FILIP1L: variants seen among roughly 807,000 people sequenced by gnomAD.
FILIP1L encodes filamin A-interacting protein 1-like.
A neutral mutation model predicts 96.6 loss-of-function variants in FILIP1L; 55 were observed. The observed-to-expected ratio is 0.57, with a 90% CI of 0.46 to 0.71. The LOEUF is 0.71. FILIP1L is among the 30% of genes least tolerant of loss of function. The pLI is 0.00. For synonymous variants in FILIP1L, 467 were observed against 473.9 expected, an observed-to-expected ratio of 0.99 and a Z score of 0.19; for missense variants, 1,304 against 1,321.2, an observed-to-expected ratio of 0.99 and a Z score of 0.20.
intron 1 of FILIP1L, among the ~76,000 whole-genome samples, chr3:99,945,397 G>C (rs939924831): frequency 6.6e-6 from 1 of 152,138 alleles, no homozygotes; most frequent in Non-Finnish European, 1.5e-5. Flanking sequence ...GATTGAGCTT[G>C]GGGGTTCCAC....
At chr3:99,934,643 A>G (rs545060695) in intron 1 of FILIP1L, among the ~76,000 whole-genome samples, 2 of 152,316 alleles carry the variant, frequency 1.3e-5, no homozygotes, top group South Asian at 2.1e-4. Context: ...AACATTGTTC[A>G]TAAGTAGTGC....
At chr3:100,031,119 C>T (rs2065015265) in intron 1 of FILIP1L, among the ~76,000 whole-genome samples, 2 of 152,048 alleles carry the variant, frequency 1.3e-5, no homozygotes, top group Admixed American at 6.6e-5. Context: ...TAATTTAGAA[C>T]ATATTTTCCT....
At chr3:99,940,251 T>C (rs1005241472) in intron 1 of FILIP1L, among the ~76,000 whole-genome samples, 4 of 152,248 alleles carry the variant, frequency 2.6e-5, no homozygotes, top group Non-Finnish European at 5.9e-5. Flanking sequence ...TATTTTTATG[T>C]AGTCCAAGTT....
intron 1 of FILIP1L, among the ~76,000 whole-genome samples, chr3:99,932,989 A>C (rs192222026): frequency 5.7e-4 from 87 of 152,304 alleles, no homozygotes; most frequent in African/African-American, 1.8e-3. Flanking sequence ...AGCATTTTCC[A>C]TGTATTAGCT....
intron 1 of FILIP1L, among the ~76,000 whole-genome samples, chr3:100,073,979 G>T (rs748680159): frequency 6.6e-6 from 1 of 151,914 alleles, no homozygotes; most frequent in Non-Finnish European, 1.5e-5. Context: ...GCACGCCATG[G>T]TTCTCCTTCC....
chr3:100,072,821 T>C (rs187277708), intron 1 of FILIP1L, among the ~76,000 whole-genome samples: 3 of 152,066 alleles, frequency 2.0e-5, no homozygotes, highest in Non-Finnish European at 4.4e-5. Context: ...GACTCATGAG[T>C]CACTTCAATA....
At chr3:99,914,708 C>T (rs1460369575) in intron 4 of FILIP1L, among the ~76,000 whole-genome samples, 1 of 152,104 alleles carries the variant, frequency 6.6e-6, no homozygotes, top group African/African-American at 2.4e-5. Context: ...AGCAATTTCA[C>T]ATATAAGAAT....
At chr3:99,928,099 C>CT (rs1707354966) in intron 3 of FILIP1L, among the ~76,000 whole-genome samples, 2 of 152,146 alleles carry the variant, frequency 1.3e-5, no homozygotes, top group South Asian at 2.1e-4. Flanking sequence ...AGAAGAATAA[C>CT]TTTAGCATTC....
At chr3:99,832,660 C>A (rs1422546125) in intron 5 of FILIP1L, among the ~76,000 whole-genome samples, 1 of 147,106 alleles carries the variant, frequency 6.8e-6, no homozygotes, top group Non-Finnish European at 1.5e-5. Context: ...CTGGCCAACA[C>A]GGTGAAACCC....
intron 3 of FILIP1L, among the ~76,000 whole-genome samples, chr3:99,927,683 T>A (rs1164011397): frequency 6.6e-6 from 1 of 152,192 alleles, no homozygotes; most frequent in Non-Finnish European, 1.5e-5. Flanking sequence ...TTTTCTATAA[T>A]ATATTTTTTG....
chr3:99,880,223 C>A (rs1162381897), intron 4 of FILIP1L, among the ~76,000 whole-genome samples: 2 of 152,294 alleles, frequency 1.3e-5, no homozygotes, highest in Non-Finnish European at 2.9e-5. Flanking sequence ...AACCTCATTT[C>A]TTCACTCTTC....
intron 4 of FILIP1L, among the ~76,000 whole-genome samples, chr3:99,884,265 C>G (rs1235220482): frequency 6.6e-6 from 1 of 152,116 alleles, no homozygotes; most frequent in African/African-American, 2.4e-5. Flanking sequence ...CTTCTTTCTC[C>G]TTGTCTTCTC....
chr3:99,980,403 T>A (rs1709087804), intron 1 of FILIP1L, among the ~76,000 whole-genome samples: 2 of 152,184 alleles, frequency 1.3e-5, no homozygotes, highest in Non-Finnish European at 2.9e-5. Flanking sequence ...GTATAGTACA[T>A]CAGATATGTT....
chr3:99,981,867 G>T (rs1462729191), intron 1 of FILIP1L, among the ~76,000 whole-genome samples: 1 of 152,168 alleles, frequency 6.6e-6, no homozygotes, highest in East Asian at 1.9e-4. Context: ...GGCCAGGCAT[G>T]GTGGCTCACA....
At chr3:99,927,386 TG>T (rs1376882950) in intron 3 of FILIP1L, among the ~76,000 whole-genome samples, 5 of 151,638 alleles carry the variant, frequency 3.3e-5, no homozygotes, top group African/African-American at 1.2e-4. Flanking sequence ...TTTTTTTTTT[TG>T]AGACGGAGTT....
intron 4 of FILIP1L, among the ~76,000 whole-genome samples, chr3:99,912,635 C>T (rs1392058279): frequency 1.3e-5 from 2 of 152,302 alleles, no homozygotes; most frequent in East Asian, 3.9e-4. Flanking sequence ...GCCTCAGCCT[C>T]CCAAAGTGCT....
chr3:99,950,006 C>A (rs925454502), intron 1 of FILIP1L, among the ~76,000 whole-genome samples: 3 of 152,118 alleles, frequency 2.0e-5, no homozygotes, highest in African/African-American at 4.8e-5. Flanking sequence ...CAAAGGTATG[C>A]TTCTACCTTC....
At chr3:99,903,396 C>T (rs1338462322) in intron 4 of FILIP1L, among the ~76,000 whole-genome samples, 1 of 151,876 alleles carries the variant, frequency 6.6e-6, no homozygotes, top group African/African-American at 2.4e-5. Context: ...GGATTACAGG[C>T]GCCTGCCACC....
chr3:99,983,310 G>T (rs1292490790), intron 1 of FILIP1L, among the ~76,000 whole-genome samples: 1 of 148,932 alleles, frequency 6.7e-6, no homozygotes, highest in Non-Finnish European at 1.5e-5. Flanking sequence ...AAGGCAGGCG[G>T]ATCACCTGAG....
Sources: allele counts gnomAD v4.1 joint callset (sites outside exome capture counted in the v4.1 genomes callset), GRCh38; gene constraint gnomAD v4.1.1; transcripts MANE v1.5; gene names NCBI Gene and HGNC (gene_info 2026-07-23, HGNC 2026-07-21).